THSD7B: variants seen among roughly 807,000 people sequenced by gnomAD.
THSD7B encodes the protein thrombospondin type 1 domain containing 7B, also known as thrombospondin type-1 domain-containing protein 7B.
A neutral mutation model predicts 213.6 loss-of-function variants in THSD7B; 138 were observed. The ratio of observed to expected loss-of-function variants is 0.65; its 90% CI spans 0.56 to 0.74. The LOEUF (loss-of-function observed/expected upper bound fraction) is 0.74, where lower values mean the gene tolerates loss of function less well. Among genes scored for constraint, THSD7B ranks in the 30% least tolerant of loss-of-function variants. The pLI, the probability that THSD7B is intolerant of heterozygous loss-of-function variation, is 0.00. For synonymous variants in THSD7B, 742 were observed against 687.0 expected, an observed-to-expected ratio of 1.08 and a Z score of -1.25; for missense variants, 1,931 against 1,991.5, an observed-to-expected ratio of 0.97 and a Z score of 0.58.
At chr2:137,151,260 A>G (rs1679813675) in intron 5 of THSD7B, among the ~76,000 whole-genome samples, 1 of 152,176 alleles carries the variant, frequency 6.6e-6, no homozygotes, top group Non-Finnish European at 1.5e-5. Flanking sequence ...CAACAGCACA[A>G]TATTTTCTTT....
At chr2:137,228,138 G>A (rs1403857890) in intron 7 of THSD7B, among the ~76,000 whole-genome samples, 2 of 101,406 alleles carry the variant, frequency 2.0e-5, no homozygotes, top group Non-Finnish European at 4.0e-5. Context: ...AAACCTCACT[G>A]TGCAGCTGTT....
chr2:137,661,925 G>A (rs1299659971), intron 25 of THSD7B, among the ~76,000 whole-genome samples: 2 of 152,078 alleles, frequency 1.3e-5, no homozygotes, highest in Non-Finnish European at 2.9e-5. Flanking sequence ...TACAAGTTGT[G>A]TGTTCCTAGA....
At chr2:137,168,770 C>T (rs1680182358) in intron 6 of THSD7B, among the ~76,000 whole-genome samples, 1 of 151,956 alleles carries the variant, frequency 6.6e-6, no homozygotes, top group Non-Finnish European at 1.5e-5. Context: ...TCAAAACAAG[C>T]AAAAATATAA....
intron 12 of THSD7B, among the ~76,000 whole-genome samples, chr2:137,331,226 A>G (rs940142516): frequency 1.3e-5 from 2 of 151,438 alleles, no homozygotes; most frequent in Non-Finnish European, 1.5e-5. Context: ...AGCTAGACAT[A>G]AAGGTACTCC....
intron 1 of THSD7B, among the ~76,000 whole-genome samples, chr2:136,852,961 C>T (rs1683123439): frequency 6.6e-6 from 1 of 152,090 alleles, no homozygotes; most frequent in Non-Finnish European, 1.5e-5. Context: ...CTTCTGCCTT[C>T]CTATCACTCA....
chr2:137,563,406 T>A (rs943462931), intron 16 of THSD7B, 52 bp downstream of exon 16: 1 of 1,597,292 alleles, frequency 6.3e-7, no homozygotes, highest in Non-Finnish European at 8.6e-7. Context: ...AACTTATACA[T>A]TTTTTATAAA....
intron 10 of THSD7B, among the ~76,000 whole-genome samples, chr2:137,267,997 C>T (rs373358095): frequency 1.3e-5 from 2 of 152,306 alleles, no homozygotes; most frequent in South Asian, 2.1e-4. Flanking sequence ...ATATTGGGGG[C>T]TGCCTCAGAC....
intron 12 of THSD7B, among the ~76,000 whole-genome samples, chr2:137,322,149 T>C (rs188258668): frequency 1.1e-4 from 17 of 152,356 alleles, no homozygotes; most frequent in African/African-American, 3.8e-4. Context: ...TTGCTCATTC[T>C]AAAACTCAGC....
chr2:136,827,978 T>A (rs926660576), intron 1 of THSD7B, among the ~76,000 whole-genome samples: 18 of 152,072 alleles, frequency 1.2e-4, no homozygotes, highest in African/African-American at 4.1e-4. Context: ...ATGTCTTGTT[T>A]GTGTCTGTTA....
intron 7 of THSD7B, among the ~76,000 whole-genome samples, chr2:137,218,756 T>C (rs563556465): frequency 6.6e-6 from 1 of 152,152 alleles, no homozygotes; most frequent in Non-Finnish European, 1.5e-5. Context: ...CAGTATTTAT[T>C]CTCTCCCCAT....
intron 12 of THSD7B, among the ~76,000 whole-genome samples, chr2:137,398,771 T>C (rs565557056): frequency 8.5e-5 from 13 of 152,174 alleles, no homozygotes; most frequent in Non-Finnish European, 8.8e-5. Flanking sequence ...GCCTCGCTGC[T>C]GCCTTGCAGT....
At chr2:137,147,653 C>T (rs1229889855) in intron 5 of THSD7B, among the ~76,000 whole-genome samples, 4 of 151,924 alleles carry the variant, frequency 2.6e-5, no homozygotes, top group African/African-American at 7.2e-5. Flanking sequence ...TACAGATTTC[C>T]GTTCAGATAC....
At chr2:136,785,084 G>T (rs898391500) in intron 1 of THSD7B, among the ~76,000 whole-genome samples, 1 of 152,174 alleles carries the variant, frequency 6.6e-6, no homozygotes, top group African/African-American at 2.4e-5. Flanking sequence ...CTTCTGGCCC[G>T]CAGGAGTCTG....
intron 12 of THSD7B, among the ~76,000 whole-genome samples, chr2:137,342,764 A>AT (rs1160511644): frequency 6.6e-6 from 1 of 151,342 alleles, no homozygotes; most frequent in Non-Finnish European, 1.5e-5. Flanking sequence ...GAATTTGTCA[A>AT]TTTTTTTATA....
intron 5 of THSD7B, among the ~76,000 whole-genome samples, chr2:137,133,925 G>C (rs1688785643): frequency 6.6e-6 from 1 of 152,150 alleles, no homozygotes; most frequent in Non-Finnish European, 1.5e-5. Flanking sequence ...GCCATATGCA[G>C]CTCTGTGGCT....
intron 2 of THSD7B, among the ~76,000 whole-genome samples, chr2:136,969,859 T>C (rs535687045): frequency 6.6e-6 from 1 of 152,306 alleles, no homozygotes; most frequent in South Asian, 2.1e-4. Flanking sequence ...GTGTTCAATG[T>C]GTAATATAAT....
rs1271282034 is a variant in THSD7B at position 137,312,106 on chromosome 2, G to A, written c.2500+36080G>A. ...GTACCAGTTCCTCCTTGTACCTCTG[G>A]TAGAATTCGGCTGTGAATCCATCTG... On this transcript the variant is annotated intron_variant, in intron 12 of 27. Transcript: ENST00000409968. Among the ~76,000 whole-genome samples, 5 of 151,334 alleles carry A rather than the reference G, an allele frequency of 3.3e-5. No individual in the cohort carries two copies. In the East Asian group the frequency reaches 5.8e-4, roughly 18 times the overall value.
chr2:137,265,361 TGGTG>T (rs1682562408), intron 10 of THSD7B, among the ~76,000 whole-genome samples: 1 of 152,208 alleles, frequency 6.6e-6, no homozygotes, highest in Non-Finnish European at 1.5e-5. Context: ...TCTACACTGT[TGGTG>T]GGACTGTAAA....
intron 7 of THSD7B, among the ~76,000 whole-genome samples, chr2:137,192,093 C>T (rs1358393463): frequency 6.6e-6 from 1 of 151,964 alleles, no homozygotes; most frequent in Non-Finnish European, 1.5e-5. Context: ...TTTATACCTC[C>T]CTACAGTGTT....
Sources: allele counts gnomAD v4.1 joint callset (sites outside exome capture counted in the v4.1 genomes callset), GRCh38; gene constraint gnomAD v4.1.1; transcripts MANE v1.5; gene names NCBI Gene and HGNC (gene_info 2026-07-23, HGNC 2026-07-21).